Variants in RMST observed in about 807,000 individuals in gnomAD.
RMST encodes the protein long intergenic non-protein coding RNA 54.
intron 5 of RMST, among the ~76,000 whole-genome samples, chr12:97,466,662 G>A (rs1873228550): frequency 6.6e-6 from 1 of 152,062 alleles, no homozygotes; most frequent in South Asian, 2.1e-4. Flanking sequence ...ATTTTAAGGT[G>A]TAATAGAAAT....
chr12:97,529,657 C>T (rs762749502), intron 10 of RMST, among the ~76,000 whole-genome samples: 3 of 152,068 alleles, frequency 2.0e-5, no homozygotes, highest in Non-Finnish European at 4.4e-5. Context: ...ATCAAGATAA[C>T]GGCTTACCAT....
At chr12:97,510,233 ACAGTTAAATTTCTC>A (rs1299652910) in intron 10 of RMST, among the ~76,000 whole-genome samples, 7 of 152,224 alleles carry the variant, frequency 4.6e-5, no homozygotes, top group African/African-American at 1.4e-4. Context: ...AGAGAAAGTT[ACAGTTAAATTTCTC>A]TAAGAAGCGT....
chr12:97,550,333 G>A (rs989021178), intron 11 of RMST, among the ~76,000 whole-genome samples: 3 of 151,974 alleles, frequency 2.0e-5, no homozygotes, highest in South Asian at 2.1e-4. Context: ...CGGAGGTTGC[G>A]GTGAGCCAAG....
At chr12:97,475,591 T>TG (rs1874455314) in intron 5 of RMST, among the ~76,000 whole-genome samples, 1 of 151,708 alleles carries the variant, frequency 6.6e-6, no homozygotes, top group South Asian at 2.1e-4. Flanking sequence ...TTTTTTGTTT[T>TG]TTTTTTTTAC....
At chr12:97,540,437 A>T (rs1475606905) in intron 11 of RMST, among the ~76,000 whole-genome samples, 1 of 151,810 alleles carries the variant, frequency 6.6e-6, no homozygotes, top group Non-Finnish European at 1.5e-5. Flanking sequence ...ACTCTATAAC[A>T]TTTCACAAAG....
chr12:97,494,493 T>C lies in RMST; in HGVS notation n.1028-202T>C, dbSNP rs575013563. Among the ~76,000 whole-genome samples the C allele has an allele frequency of 2.0e-5, 3 of 152,248 alleles. No homozygotes were observed. In the East Asian group the frequency reaches 5.8e-4, roughly 29 times the overall value. ...TGAGCCCAGGAATTTGAGGCTGCAG[T>C]GAGCTATGATTGTGCCACTGTACTC... On this transcript the variant is annotated intron_variant and non_coding_transcript_variant, in intron 8 of 13. Transcript: ENST00000640149.
At chr12:97,513,176 A>T (rs1879592517) in intron 10 of RMST, among the ~76,000 whole-genome samples, 2 of 152,186 alleles carry the variant, frequency 1.3e-5, no homozygotes, top group Non-Finnish European at 2.9e-5. Context: ...CAGCCCAGAA[A>T]GGGGCTCCCA....
intron 5 of RMST, among the ~76,000 whole-genome samples, chr12:97,474,036 C>T (rs959632903): frequency 1.2e-4 from 19 of 152,110 alleles, no homozygotes; most frequent in Non-Finnish European, 2.2e-4. Context: ...TAAAAAAATA[C>T]ACATTCCTAG....
intron 10 of RMST, among the ~76,000 whole-genome samples, chr12:97,529,301 T>G (rs559648526): frequency 3.3e-5 from 5 of 152,214 alleles, no homozygotes; most frequent in Non-Finnish European, 7.4e-5. Context: ...ACAGAGATTT[T>G]GGGCCCTCCA....
intron 10 of RMST, among the ~76,000 whole-genome samples, chr12:97,524,102 A>AAAAAAAAAAAAAAAAAAAAAC (rs1880846276): frequency 6.7e-6 from 1 of 148,964 alleles, no homozygotes; most frequent in Non-Finnish European, 1.5e-5. Context: ...AAAAAAAAAA[A>AAAAAAAAAAAAAAAAAAAAAC]ATCACATAAC....
At chr12:97,536,827 C>T (rs1440715977) in intron 11 of RMST, among the ~76,000 whole-genome samples, 1 of 151,390 alleles carries the variant, frequency 6.6e-6, no homozygotes, top group African/African-American at 2.4e-5. Flanking sequence ...GGTTTCTTTA[C>T]TTTAGCTTTA....
chr12:97,495,776 A>G (rs1372794480), intron 9 of RMST, among the ~76,000 whole-genome samples: 2 of 152,108 alleles, frequency 1.3e-5, no homozygotes, highest in Non-Finnish European at 2.9e-5. Flanking sequence ...AAGCATAATT[A>G]TCTTCAATGT....
At chr12:97,482,612 TTATTTAATTTATTTAA>T (rs1246902457) in intron 5 of RMST, among the ~76,000 whole-genome samples, 6 of 147,064 alleles carry the variant, frequency 4.1e-5, no homozygotes, top group African/African-American at 9.8e-5. Flanking sequence ...AATTTATTTA[TTATTTAATTTATTTAA>T]TATTTAATTT....
intron 11 of RMST, among the ~76,000 whole-genome samples, chr12:97,558,732 A>G (rs1239786668): frequency 1.3e-5 from 2 of 152,084 alleles, no homozygotes; most frequent in Admixed American, 1.3e-4. Context: ...AGTGATGCCT[A>G]ATATACTTCA....
intron 11 of RMST, among the ~76,000 whole-genome samples, chr12:97,556,898 G>T (rs903682140): frequency 6.6e-6 from 1 of 152,118 alleles, no homozygotes; most frequent in Non-Finnish European, 1.5e-5. Flanking sequence ...GAAAAAGGAG[G>T]TGAAAAGCAG....
intron 11 of RMST, among the ~76,000 whole-genome samples, chr12:97,559,635 T>G (rs1733424572): frequency 6.6e-6 from 1 of 152,208 alleles, no homozygotes; most frequent in Admixed American, 6.5e-5. Context: ...CCTTTAGATA[T>G]TATTAGGAAC....
intron 5 of RMST, among the ~76,000 whole-genome samples, chr12:97,488,513 C>T (rs970772692): frequency 6.6e-6 from 1 of 152,174 alleles, no homozygotes; most frequent in Non-Finnish European, 1.5e-5. Context: ...AATATCTGGT[C>T]TCTGAGGTAC....
At chr12:97,487,607 G>A (rs1208983769) in intron 5 of RMST, among the ~76,000 whole-genome samples, 1 of 152,158 alleles carries the variant, frequency 6.6e-6, no homozygotes, top group Non-Finnish European at 1.5e-5. Flanking sequence ...AATAATGTTT[G>A]TTGAAGATAC....
chr12:97,533,497 A>G (rs1881838849), intron 11 of RMST: 2 of 151,880 alleles, frequency 1.3e-5, no homozygotes, highest in African/African-American at 2.4e-5. Context: ...ATTAAGTTCA[A>G]AAATGCTGTA....
Sources: gnomAD v4.1 joint callset for allele counts (sites outside exome capture counted in the v4.1 genomes callset) on GRCh38, gnomAD v4.1.1 for gene constraint, MANE v1.5 for transcripts, NCBI Gene and HGNC (gene_info 2026-07-23, HGNC 2026-07-21) for gene names.